The following ADAMTS19 variants were observed in gnomAD, a reference collection of about 807,000 sequenced individuals.
ADAMTS19 encodes ADAM metallopeptidase with thrombospondin type 1 motif 19, also known as A disintegrin and metalloproteinase with thrombospondin motifs 19.
A neutral mutation model predicts 153.3 loss-of-function variants in ADAMTS19; 93 were observed. The observed-to-expected ratio is 0.61, with a 90% CI of 0.51 to 0.72. The LOEUF is 0.72. ADAMTS19 is among the 30% of genes least tolerant of loss of function. The pLI, the probability that ADAMTS19 is intolerant of heterozygous loss-of-function variation, is 0.00. For missense variants in ADAMTS19, 1,482 were observed against 1,552.1 expected (o/e 0.95, Z 0.76); for synonymous variants, 600 against 556.6 (o/e 1.08, Z -1.10).
intron 19 of ADAMTS19, among the ~76,000 whole-genome samples, chr5:129,697,350 C>CTT (rs1755607420): frequency 6.6e-6 from 1 of 152,222 alleles, no homozygotes; most frequent in South Asian, 2.1e-4. Flanking sequence ...TCCATTCAAT[C>CTT]AGCTGGGGGG....
At chr5:129,604,704 T>A (rs1290176909) in intron 8 of ADAMTS19, among the ~76,000 whole-genome samples, 1 of 152,236 alleles carries the variant, frequency 6.6e-6, no homozygotes, top group Non-Finnish European at 1.5e-5. Context: ...TCAAAACAGA[T>A]GCTGTATGCA....
At chr5:129,681,993 G>C (rs1398751779) in intron 17 of ADAMTS19, among the ~76,000 whole-genome samples, 1 of 152,090 alleles carries the variant, frequency 6.6e-6, no homozygotes, top group East Asian at 1.9e-4. Flanking sequence ...TTTAATAAAT[G>C]TAACCTCCCC....
intron 16 of ADAMTS19, among the ~76,000 whole-genome samples, chr5:129,676,826 T>A (rs1754571937): frequency 6.6e-6 from 1 of 152,206 alleles, no homozygotes; most frequent in Non-Finnish European, 1.5e-5. Flanking sequence ...GATTTGAAGG[T>A]ACATGTGTGA....
intron 6 of ADAMTS19, among the ~76,000 whole-genome samples, chr5:129,530,424 A>G (rs535634137): frequency 3.3e-5 from 5 of 152,284 alleles, no homozygotes; most frequent in East Asian, 3.9e-4. Flanking sequence ...ATTGCTGAAA[A>G]CCAAAGAAAA....
chr5:129,574,983 C>T (rs1754049943), intron 7 of ADAMTS19, among the ~76,000 whole-genome samples: 1 of 151,800 alleles, frequency 6.6e-6, no homozygotes, highest in African/African-American at 2.4e-5. Flanking sequence ...TTCTATTTAA[C>T]AAATTATGTC....
intron 18 of ADAMTS19, 80 bp from the exon 19 acceptor site, chr5:129,694,640 A>G (rs1755475255): frequency 9.3e-7 from 1 of 1,079,730 alleles, no homozygotes; most frequent in Non-Finnish European, 1.2e-6. Flanking sequence ...AAAAATAAGC[A>G]TAATAAGCTT....
chr5:129,631,081 T>G (rs1752263813), intron 10 of ADAMTS19, among the ~76,000 whole-genome samples: 1 of 151,822 alleles, frequency 6.6e-6, no homozygotes. Flanking sequence ...AAAACTAAAT[T>G]GTTGCTGATA....
chr5:129,647,202 G>T (rs945765336), intron 11 of ADAMTS19, among the ~76,000 whole-genome samples: 4 of 131,252 alleles, frequency 3.0e-5, no homozygotes, highest in African/African-American at 1.2e-4. Flanking sequence ...GAACTTGATG[G>T]GAATTCTTTC....
At chr5:129,579,431 T>A (rs1749393435) in intron 7 of ADAMTS19, among the ~76,000 whole-genome samples, 1 of 152,216 alleles carries the variant, frequency 6.6e-6, no homozygotes, top group Non-Finnish European at 1.5e-5. Context: ...GTGCAGAAGC[T>A]CTTTAGATTA....
At chr5:129,486,784 T>G (rs1750608896) in intron 2 of ADAMTS19, among the ~76,000 whole-genome samples, 1 of 151,986 alleles carries the variant, frequency 6.6e-6, no homozygotes, top group African/African-American at 2.4e-5. Context: ...TAAAATAAAT[T>G]AAAAATCAGA....
chr5:129,706,014 A>C (rs1018488756), intron 21 of ADAMTS19, among the ~76,000 whole-genome samples: 3 of 152,168 alleles, frequency 2.0e-5, no homozygotes, highest in Non-Finnish European at 4.4e-5. Flanking sequence ...TTACATGGAT[A>C]AGTTCTTTAG....
intron 6 of ADAMTS19, among the ~76,000 whole-genome samples, chr5:129,538,530 C>T (rs1433471297): frequency 5.3e-5 from 8 of 151,996 alleles, no homozygotes; most frequent in Non-Finnish European, 1.0e-4. Context: ...TCATTATTGC[C>T]TCCCTTGTTG....
chr5:129,586,191 G>A (rs1749789271), intron 7 of ADAMTS19, among the ~76,000 whole-genome samples: 1 of 152,096 alleles, frequency 6.6e-6, no homozygotes, highest in Non-Finnish European at 1.5e-5. Context: ...TATCACCCAA[G>A]TCCACAGTTT....
chr5:129,659,713 C>T (rs568507600), intron 15 of ADAMTS19, among the ~76,000 whole-genome samples: 17 of 151,916 alleles, frequency 1.1e-4, no homozygotes, highest in Non-Finnish European at 2.2e-4. Flanking sequence ...CCCAAGTAGC[C>T]GGGACTAGAG....
At chr5:129,567,272 G>A (rs1314720990) in intron 7 of ADAMTS19, among the ~76,000 whole-genome samples, 3 of 152,018 alleles carry the variant, frequency 2.0e-5, no homozygotes, top group African/African-American at 7.2e-5. Flanking sequence ...ATTTAAATAA[G>A]TCTCCTAATG....
chr5:129,586,233 C>A (rs568214670), intron 7 of ADAMTS19, among the ~76,000 whole-genome samples: 2 of 152,154 alleles, frequency 1.3e-5, no homozygotes, highest in South Asian at 2.1e-4. Flanking sequence ...ATTTTAAATT[C>A]TATGGGTTTA....
chr5:129,589,462 GTACAT>G (rs1437526555), intron 7 of ADAMTS19, among the ~76,000 whole-genome samples: 2 of 152,016 alleles, frequency 1.3e-5, no homozygotes, highest in African/African-American at 4.8e-5. Flanking sequence ...ATACACACAA[GTACAT>G]TACAACTGTA....
chr5:129,469,901 TAC>T (rs1404852666), intron 2 of ADAMTS19, among the ~76,000 whole-genome samples: 1 of 152,158 alleles, frequency 6.6e-6, no homozygotes, highest in East Asian at 1.9e-4. Context: ...ATAATATAGT[TAC>T]ATGTGAGAGA....
chr5:129,489,425 T>C (rs1750696225), intron 2 of ADAMTS19, among the ~76,000 whole-genome samples: 1 of 152,170 alleles, frequency 6.6e-6, no homozygotes, highest in Admixed American at 6.5e-5. Context: ...ATCTTCTTCC[T>C]TTCCCTTTAT....
Sources: gnomAD v4.1 joint callset for allele counts (sites outside exome capture counted in the v4.1 genomes callset) on GRCh38, gnomAD v4.1.1 for gene constraint, MANE v1.5 for transcripts, NCBI Gene and HGNC (gene_info 2026-07-23, HGNC 2026-07-21) for gene names.